The following ADCY9 variants were observed in gnomAD, a reference collection of about 807,000 sequenced individuals.
The protein encoded by ADCY9 is adenylate cyclase type 9.
In ADCY9, 50 loss-of-function variants were observed where a neutral mutation model predicts 101.5. The observed-to-expected ratio is 0.49, with a 90% confidence interval of 0.39 to 0.62. ADCY9 has a LOEUF of 0.62. ADCY9 is among the 20% of genes least tolerant of loss of function. The probability of loss-of-function intolerance (pLI) is 0.00; values close to 1 mark genes in which losing one functional copy is unlikely to be tolerated. For missense variants in ADCY9, 1,662 were observed against 1,800.4 expected, an observed-to-expected ratio of 0.92 and a Z score of 1.39; for synonymous variants, 905 against 769.3, an observed-to-expected ratio of 1.18 and a Z score of -2.92.
At chr16:3,997,331 C>T (rs2056295229) in intron 3 of ADCY9, among the ~76,000 whole-genome samples, 1 of 152,254 alleles carries the variant, frequency 6.6e-6, no homozygotes, top group African/African-American at 2.4e-5. Context: ...CCATGCCCTC[C>T]ACAAGGGCTT....
rs551380312 is a variant in ADCY9 at position 4,017,547 on chromosome 16, G to A, written c.1694-9989C>T. 8.2e-3 allele frequency among the ~76,000 whole-genome samples: 1,240 copies of A among 151,550 alleles called. 24 individuals are homozygous for A. The highest frequency in any genetic ancestry group is 0.011 in the Non-Finnish European group (736 of 67,920). ...TAATCCCAGCTACTTGGGAGGCTGA[G>A]GCAGGAGGATCACTTGAACCCAGGA... On this transcript the variant is annotated intron_variant, in intron 2 of 10. Coordinates refer to ENST00000294016, the MANE Select transcript of ADCY9 (RefSeq NM_001116.4).
intron 6 of ADCY9, among the ~76,000 whole-genome samples, chr16:3,988,300 TAGAG>T (rs536930542): frequency 1.3e-5 from 2 of 151,620 alleles, no homozygotes; most frequent in East Asian, 3.9e-4. Flanking sequence ...GAGCCGGAGT[TAGAG>T]AGAGAGGTGA....
intron 2 of ADCY9, among the ~76,000 whole-genome samples, chr16:4,023,915 G>A (rs919838371): frequency 1.3e-5 from 2 of 151,950 alleles, no homozygotes; most frequent in African/African-American, 2.4e-5. Context: ...GTCTCAAAAC[G>A]ACAAGAGGCA....
chr16:3,966,539 C>A lies in ADCY9; in HGVS notation c.3298G>T (p.Asp1100Tyr), dbSNP rs758042130. The change falls in exon 11 of 11, where the codon GAC becomes TAC. Residue 1100 changes from aspartate to tyrosine, a missense_variant. By Grantham distance (160) the Asp-to-Tyr change is radical. This residue lies in a region of ADCY9 where 220 missense variants were observed against 312.9 expected (regional missense o/e 0.70). Transcript: ENST00000294016. The part of the protein sequence containing the change: ...GDFDELLSKP[D>Y]YSSIEKIKTI... ...TTGATCTTCTCGATGCTGCTGTAGT[C>A]CGGCTTGCTTAGGAGCTCGTCAAAG... is the stretch of plus-strand genomic sequence containing the variant. 1 of 1,614,188 alleles carries A rather than the reference C, an allele frequency of 6.2e-7. No homozygotes were observed. Among genetic ancestry groups the A allele is most frequent in the Non-Finnish European group, 8.5e-7 (1 of 1,180,046 alleles).
intron 3 of ADCY9, among the ~76,000 whole-genome samples, chr16:4,001,365 G>A (rs903500978): frequency 6.6e-6 from 1 of 152,180 alleles, no homozygotes; most frequent in African/African-American, 2.4e-5. Flanking sequence ...GACCTGCCTG[G>A]TGCTTTCTCA....
At chr16:3,979,049 T>C (rs1271780188) in intron 8 of ADCY9, 67 bp downstream of exon 8, 1 of 1,590,808 alleles carries the variant, frequency 6.3e-7, no homozygotes, top group Non-Finnish European at 8.6e-7. Flanking sequence ...TCCCAAGTGA[T>C]TTAAAGAAAA....
At chr16:4,077,157 G>A (rs768495030) in intron 2 of ADCY9, among the ~76,000 whole-genome samples, 1 of 152,048 alleles carries the variant, frequency 6.6e-6, no homozygotes, top group Non-Finnish European at 1.5e-5. Context: ...ACTACAGGGT[G>A]TAAGATGAGG....
intron 2 of ADCY9, among the ~76,000 whole-genome samples, chr16:4,025,917 A>G (rs2056511836): frequency 6.6e-6 from 1 of 151,696 alleles, no homozygotes. Flanking sequence ...CACTCATGAG[A>G]AAGTATCTAA....
At chr16:4,088,880 G>A (rs758121843) in intron 2 of ADCY9, among the ~76,000 whole-genome samples, 20 of 151,850 alleles carry the variant, frequency 1.3e-4, no homozygotes, top group Non-Finnish European at 1.9e-4. Context: ...GGGAGGTTTC[G>A]CACACAGAGT....
chr16:4,111,801 T>C (rs1303209535), intron 2 of ADCY9, among the ~76,000 whole-genome samples: 2 of 149,820 alleles, frequency 1.3e-5, no homozygotes, highest in African/African-American at 4.9e-5. Context: ...ATTTACCAAA[T>C]TTACACTATT....
chr16:3,972,616 C>T (rs1007142657), intron 10 of ADCY9, among the ~76,000 whole-genome samples: 3 of 152,124 alleles, frequency 2.0e-5, no homozygotes, highest in South Asian at 2.1e-4. Context: ...CAGTGTAATC[C>T]GTTATCATGG....
chr16:3,976,981 C>T (rs1351024972), intron 9 of ADCY9, among the ~76,000 whole-genome samples: 1 of 152,098 alleles, frequency 6.6e-6, no homozygotes, highest in African/African-American at 2.4e-5. Context: ...TGAAATAAGC[C>T]CCAGGTGACT....
At chr16:4,014,095 C>A (rs1394630407) in intron 2 of ADCY9, among the ~76,000 whole-genome samples, 1 of 152,076 alleles carries the variant, frequency 6.6e-6, no homozygotes, top group African/African-American at 2.4e-5. Flanking sequence ...GAGACGGGAG[C>A]ATCAGTTGTG....
intron 6 of ADCY9, among the ~76,000 whole-genome samples, chr16:3,988,753 AGGAAAGGGGCTAGTAAT>A (rs894964719): frequency 1.1e-4 from 16 of 152,288 alleles, no homozygotes; most frequent in Middle Eastern, 3.4e-3. Context: ...GCCACGGCAG[AGGAAAGGGGCTAGTAAT>A]GGCGAGGCTG....
chr16:4,022,389 G>T (rs2056482773), intron 2 of ADCY9, among the ~76,000 whole-genome samples: 1 of 150,284 alleles, frequency 6.7e-6, no homozygotes, highest in Non-Finnish European at 1.5e-5. Flanking sequence ...TCCTCAGGAG[G>T]CTGAGGCATG....
chr16:3,984,914 G>A (rs150187678), intron 6 of ADCY9, among the ~76,000 whole-genome samples: 38 of 152,174 alleles, frequency 2.5e-4, no homozygotes, highest in Non-Finnish European at 8.8e-5. Context: ...CCAGGAACTA[G>A]GTGGGAGGGC....
chr16:4,086,935 C>T (rs1261001437), intron 2 of ADCY9, among the ~76,000 whole-genome samples: 2 of 152,112 alleles, frequency 1.3e-5, no homozygotes, highest in Non-Finnish European at 2.9e-5. Flanking sequence ...GCTGGAATTA[C>T]AGGCGTGAGC....
intron 2 of ADCY9, among the ~76,000 whole-genome samples, chr16:4,035,051 G>C (rs543382663): frequency 6.6e-6 from 1 of 152,174 alleles, no homozygotes; most frequent in Admixed American, 6.5e-5. Flanking sequence ...AGATCCATCC[G>C]TCTTCTAGAC....
At chr16:4,022,992 C>T (rs572843982) in intron 2 of ADCY9, among the ~76,000 whole-genome samples, 3 of 152,206 alleles carry the variant, frequency 2.0e-5, no homozygotes, top group South Asian at 4.1e-4. Context: ...GGCGCAGCAC[C>T]GTGGACACTC....
Sources: gnomAD v4.1 joint callset for allele counts (sites outside exome capture counted in the v4.1 genomes callset) on GRCh38, gnomAD v4.1.1 for gene constraint, gnomAD v4.1.1 regional missense constraint, MANE v1.5 for transcripts, NCBI Gene and HGNC (gene_info 2026-07-23, HGNC 2026-07-21) for gene names.